The following KLHL1 variants were observed in gnomAD, a reference collection of about 807,000 sequenced individuals.
KLHL1 encodes kelch-like protein 1.
In KLHL1, 47 loss-of-function variants were observed where a neutral mutation model predicts 77.7. The ratio of observed to expected loss-of-function variants is 0.60; its 90% CI spans 0.48 to 0.77. KLHL1 has a LOEUF of 0.77. Among genes scored for constraint, KLHL1 ranks in the 30% least tolerant of loss-of-function variants. The pLI is 0.00. For missense variants in KLHL1, 925 were observed against 910.8 expected (o/e 1.02, Z -0.20); for synonymous variants, 360 against 325.2 (o/e 1.11, Z -1.15).
chr13:70,057,853 T>C (rs1248733257), intron 1 of KLHL1, among the ~76,000 whole-genome samples: 1 of 147,998 alleles, frequency 6.8e-6, no homozygotes, highest in African/African-American at 2.5e-5. Flanking sequence ...CTCTGATGAA[T>C]ATTGATGCAA....
chr13:69,706,880 A>T (rs1566350820), intron 10 of KLHL1, among the ~76,000 whole-genome samples: 1 of 151,626 alleles, frequency 6.6e-6, no homozygotes, highest in African/African-American at 2.4e-5. Context: ...TTCCCATCAC[A>T]CACACACACC....
chr13:70,077,047 C>A (rs1399613752), intron 1 of KLHL1, among the ~76,000 whole-genome samples: 8 of 151,860 alleles, frequency 5.3e-5, no homozygotes, highest in Non-Finnish European at 8.8e-5. Context: ...GGTAAAGCCA[C>A]CTTGGAAGAA....
rs114628743 is a variant in KLHL1, at chr13:69,793,668, A to G, written c.1639+3070T>C. On this transcript the variant is annotated intron_variant, in intron 7 of 10. Transcript: ENST00000377844. Reference sequence around the variant, plus strand: ...TTTATAAAACCTCTGCATACCACACATAGATACAAATTAATGGTGTGGCAA... The same window carrying G: ...TTTATAAAACCTCTGCATACCACACGTAGATACAAATTAATGGTGTGGCAA... Among the ~76,000 whole-genome samples the G allele has an allele frequency of 6.3e-3, 966 of 152,214 alleles. 8 individuals carry two copies. The highest frequency in any genetic ancestry group is 0.021 in the African/African-American group (877 of 41,544).
intron 6 of KLHL1, among the ~76,000 whole-genome samples, chr13:69,800,947 G>A (rs1173500630): frequency 6.6e-6 from 1 of 152,142 alleles, no homozygotes; most frequent in Non-Finnish European, 1.5e-5. Flanking sequence ...TTTACTTTAA[G>A]ACATAATTAT....
chr13:70,076,916 C>A (rs1463538634), intron 1 of KLHL1, among the ~76,000 whole-genome samples: 1 of 151,636 alleles, frequency 6.6e-6, no homozygotes, highest in Non-Finnish European at 1.5e-5. Flanking sequence ...ATTAATACTA[C>A]AATGATATAC....
intron 10 of KLHL1, among the ~76,000 whole-genome samples, 174 bp downstream of exon 10, chr13:69,707,451 G>T (rs528351675): frequency 1.1e-3 from 168 of 151,714 alleles, no homozygotes; most frequent in African/African-American, 3.9e-3. Context: ...AGTAATAAAA[G>T]TACACAAGAA....
intron 1 of KLHL1, among the ~76,000 whole-genome samples, chr13:70,101,197 A>G (rs1265023812): frequency 6.6e-6 from 1 of 152,162 alleles, no homozygotes; most frequent in African/African-American, 2.4e-5. Context: ...TTGAAATAGT[A>G]CCATAGAAAG....
intron 3 of KLHL1, among the ~76,000 whole-genome samples, chr13:69,956,981 A>G (rs145529079): frequency 8.6e-4 from 130 of 151,790 alleles, no homozygotes; most frequent in South Asian, 1.7e-3. Context: ...ACATAGAGTG[A>G]TAAGATATTG....
At chr13:69,886,532 A>G (rs1483288803) in intron 4 of KLHL1, among the ~76,000 whole-genome samples, 1 of 151,792 alleles carries the variant, frequency 6.6e-6, no homozygotes, top group East Asian at 1.9e-4. Context: ...TATTAGAAAT[A>G]TAAATTTTTA....
At chr13:69,816,543 G>A (rs928448412) in intron 6 of KLHL1, among the ~76,000 whole-genome samples, 1 of 151,944 alleles carries the variant, frequency 6.6e-6, no homozygotes, top group Non-Finnish European at 1.5e-5. Flanking sequence ...GGGATTACAG[G>A]CACCGTGCCT....
At chr13:69,974,724 G>T (rs182850142) in intron 2 of KLHL1, among the ~76,000 whole-genome samples, 2 of 151,866 alleles carry the variant, frequency 1.3e-5, no homozygotes, top group African/African-American at 4.8e-5. Context: ...TAGCTCTTAC[G>T]CTGAAGAATA....
intron 7 of KLHL1, among the ~76,000 whole-genome samples, chr13:69,749,311 TTATC>T (rs748052270): frequency 1.4e-4 from 21 of 152,096 alleles, no homozygotes; most frequent in East Asian, 5.8e-4. Context: ...CTAAAAATAA[TTATC>T]TAATAGAAAG....
At chr13:70,005,597 T>A (rs963971609) in intron 1 of KLHL1, among the ~76,000 whole-genome samples, 1 of 151,988 alleles carries the variant, frequency 6.6e-6, no homozygotes. Flanking sequence ...ATTTTAGATA[T>A]ATGTTAATGT....
chr13:69,975,549 G>T (rs1436034910), intron 2 of KLHL1, 71 bp downstream of exon 2: 7 of 1,277,930 alleles, frequency 5.5e-6, no homozygotes, highest in African/African-American at 4.6e-5. Flanking sequence ...ATAATATTCT[G>T]CAATCTGCAT....
At chr13:69,982,361 G>T (rs1012222899) in intron 1 of KLHL1, among the ~76,000 whole-genome samples, 2 of 150,624 alleles carry the variant, frequency 1.3e-5, no homozygotes. Flanking sequence ...GCTTGAACCC[G>T]AAAGGTGGAG....
chr13:69,707,622 T>C lies in KLHL1; in HGVS notation c.2187+3A>G. 2 of 1,609,690 alleles carry C rather than the reference T, an allele frequency of 1.2e-6. No individual in the cohort carries two copies. Among genetic ancestry groups the C allele is most frequent in the African/African-American group, 2.7e-5 (2 of 74,852 alleles). ...AAGTGAATTATGCTGATGACAATCT[T>C]ACCTGTGTCCACTCATTAGTTTGTG... On this transcript the variant is annotated splice_donor_region_variant and intron_variant, in intron 10 of 10. Transcript: ENST00000377844.
chr13:70,015,489 G>C (rs1204681946), intron 1 of KLHL1, among the ~76,000 whole-genome samples: 1 of 152,158 alleles, frequency 6.6e-6, no homozygotes, highest in Non-Finnish European at 1.5e-5. Flanking sequence ...AAGATGGTTT[G>C]AGTTAAAATT....
intron 7 of KLHL1, among the ~76,000 whole-genome samples, chr13:69,784,255 G>A (rs1002030540): frequency 2.6e-5 from 4 of 152,114 alleles, no homozygotes; most frequent in South Asian, 2.1e-4. Flanking sequence ...GACCATCAAG[G>A]CTAGGAAGAA....
intron 4 of KLHL1, among the ~76,000 whole-genome samples, chr13:69,937,394 G>A (rs1397785152): frequency 2.6e-5 from 4 of 152,010 alleles, no homozygotes; most frequent in African/African-American, 9.7e-5. Flanking sequence ...TCTGGCATAG[G>A]CAGCCATTTT....
Sources: allele counts gnomAD v4.1 joint callset (sites outside exome capture counted in the v4.1 genomes callset), GRCh38; gene constraint gnomAD v4.1.1; transcripts MANE v1.5; gene names NCBI Gene and HGNC (gene_info 2026-07-23, HGNC 2026-07-21).